The following CSRNP3 variants were observed in gnomAD, a reference collection of about 807,000 sequenced individuals.
CSRNP3 encodes the protein cysteine and serine rich nuclear protein 3, also known as cysteine/serine-rich nuclear protein 3.
In CSRNP3, 12 loss-of-function variants were observed where a neutral mutation model predicts 48.0. The observed-to-expected ratio is 0.25, with a 90% confidence interval of 0.16 to 0.41. The LOEUF (loss-of-function observed/expected upper bound fraction) is 0.41. Ranked by LOEUF, CSRNP3 falls within the 10% of genes least tolerant of loss-of-function variation. The pLI is 1.00. For synonymous variants in CSRNP3, 263 were observed against 269.7 expected, an observed-to-expected ratio of 0.98 and a Z score of 0.24; for missense variants, 580 against 724.4, an observed-to-expected ratio of 0.80 and a Z score of 2.29.
intron 3 of CSRNP3, among the ~76,000 whole-genome samples, chr2:165,590,399 T>A (rs1685697227): frequency 6.6e-6 from 1 of 152,232 alleles, no homozygotes; most frequent in Admixed American, 6.5e-5. Flanking sequence ...GGTAACCATC[T>A]AACTTTCTTT....
intron 4 of CSRNP3, among the ~76,000 whole-genome samples, chr2:165,643,151 G>A (rs1430881251): frequency 6.6e-6 from 1 of 152,090 alleles, no homozygotes; most frequent in Non-Finnish European, 1.5e-5. Flanking sequence ...AATATCTACT[G>A]TATCCCAGAT....
At chr2:165,553,777 G>C (rs536856108) in intron 3 of CSRNP3, among the ~76,000 whole-genome samples, 13 of 152,094 alleles carry the variant, frequency 8.5e-5, no homozygotes, top group Admixed American at 3.3e-4. Flanking sequence ...TTTCTTGGTG[G>C]CTACCCAAAG....
At chr2:165,592,928 A>AC (rs1374448297) in intron 3 of CSRNP3, among the ~76,000 whole-genome samples, 1 of 148,326 alleles carries the variant, frequency 6.7e-6, no homozygotes, top group Non-Finnish European at 1.5e-5. Context: ...CAGCCTCCCA[A>AC]GTAGCTGGGA....
At chr2:165,475,146 G>A (rs1464087) in intron 1 of CSRNP3, among the ~76,000 whole-genome samples, 53,090 of 151,816 alleles carry the variant, frequency 0.35, 9,308 homozygotes, top group East Asian at 0.39. Context: ...TGGTGTCAGC[G>A]TTTTAAAGCA....
chr2:165,659,572 G>T (rs771164722), intron 5 of CSRNP3, among the ~76,000 whole-genome samples: 16 of 152,194 alleles, frequency 1.1e-4, no homozygotes, highest in African/African-American at 3.9e-4. Context: ...ACTTATTTTT[G>T]TGCCACTTTA....
chr2:165,572,620 C>T (rs927023029), intron 3 of CSRNP3: 1 of 152,092 alleles, frequency 6.6e-6, no homozygotes, highest in African/African-American at 2.4e-5. Flanking sequence ...CCAACACTTC[C>T]TTGTGTTTGA....
At position 165,484,760 on chromosome 2, in the gene CSRNP3, A is replaced by T. The variant is rs762310096; in HGVS notation, c.-282-9999A>T. Among the ~76,000 whole-genome samples the T allele has an allele frequency of 6.6e-5, 10 of 152,292 alleles. No homozygotes were observed. The Middle Eastern group carries it at 0.024, about 363-fold the overall frequency. ...AGCATCCTATTCTCTCTCACAATTTAGCTTTCTCTGTATAATCCTGCTTCT... is the reference window on the plus strand; with the variant it reads ...AGCATCCTATTCTCTCTCACAATTTTGCTTTCTCTGTATAATCCTGCTTCT... On this transcript the variant is annotated intron_variant, in intron 1 of 6. Transcript: ENST00000651982.
At chr2:165,564,690 C>G (rs1349705404) in intron 3 of CSRNP3, among the ~76,000 whole-genome samples, 2 of 151,738 alleles carry the variant, frequency 1.3e-5, no homozygotes, top group Non-Finnish European at 2.9e-5. Context: ...TGTAAACATT[C>G]TTATTGTTTT....
intron 3 of CSRNP3, among the ~76,000 whole-genome samples, chr2:165,590,667 A>G (rs529910958): frequency 1.3e-5 from 2 of 152,100 alleles, no homozygotes; most frequent in Admixed American, 1.3e-4. Context: ...GTGAGTTCTC[A>G]TGAGATCTGA....
At chr2:165,506,845 G>A (rs939402968) in intron 2 of CSRNP3, among the ~76,000 whole-genome samples, 1 of 152,134 alleles carries the variant, frequency 6.6e-6, no homozygotes, top group African/African-American at 2.4e-5. Flanking sequence ...ACCAGTGGAT[G>A]AGGTCCTTTG....
chr2:165,520,429 G>A (rs969003598), intron 3 of CSRNP3, among the ~76,000 whole-genome samples: 5 of 152,038 alleles, frequency 3.3e-5, no homozygotes, highest in Non-Finnish European at 5.9e-5. Context: ...AGGTTTAGCC[G>A]ATTTTGTATG....
intron 4 of CSRNP3, among the ~76,000 whole-genome samples, chr2:165,627,716 A>G (rs1331876573): frequency 6.6e-6 from 1 of 152,038 alleles, no homozygotes; most frequent in East Asian, 1.9e-4. Flanking sequence ...TTGTCACATG[A>G]CCTTACTCTC....
intron 3 of CSRNP3, among the ~76,000 whole-genome samples, chr2:165,538,362 C>T (rs1030947799): frequency 6.6e-6 from 1 of 151,916 alleles, no homozygotes; most frequent in Non-Finnish European, 1.5e-5. Context: ...CTGTGGGATT[C>T]TAATTTTCAG....
rs1687529186 is a variant in CSRNP3 at position 165,681,091 on chromosome 2, C to A, written c.*1338C>A. 6.6e-6 allele frequency: 1 copy of A among 152,110 alleles called. No homozygotes were observed. Among genetic ancestry groups the A allele is most frequent in the African/African-American group, 2.4e-5 (1 of 41,406 alleles). 9.4% of individuals were successfully genotyped at this position (152,110 alleles called of 1,614,324 possible). ...CCTCACATTCTCTTATTAAAGAGAA[C>A]AGATAGAAATAAAACATGCACTCCC... On this transcript the variant is annotated 3_prime_UTR_variant, in exon 7 of 7. Coordinates refer to ENST00000651982, the MANE Select transcript of CSRNP3 (RefSeq NM_001172173.2).
chr2:165,481,587 G>A (rs894387302), intron 1 of CSRNP3, among the ~76,000 whole-genome samples: 1 of 152,128 alleles, frequency 6.6e-6, no homozygotes, highest in Non-Finnish European at 1.5e-5. Context: ...AAGTAGAAAC[G>A]GTGTGGTGTG....
intron 3 of CSRNP3, among the ~76,000 whole-genome samples, chr2:165,566,166 G>A (rs944642899): frequency 2.6e-5 from 4 of 151,592 alleles, no homozygotes; most frequent in South Asian, 2.1e-4. Context: ...TCTAAGATGC[G>A]TTTCAAACAT....
chr2:165,599,893 G>C (rs1470153503), intron 4 of CSRNP3, among the ~76,000 whole-genome samples: 1 of 150,030 alleles, frequency 6.7e-6, no homozygotes, highest in Non-Finnish European at 1.5e-5. Flanking sequence ...TATCAAATTT[G>C]TGTAGCATTA....
chr2:165,565,437 C>T (rs1011711042), intron 3 of CSRNP3, among the ~76,000 whole-genome samples: 5 of 152,008 alleles, frequency 3.3e-5, no homozygotes, highest in Non-Finnish European at 5.9e-5. Flanking sequence ...AGTGCCACTA[C>T]CTTCTAATAT....
At chr2:165,569,552 A>AT (rs935427910) in intron 3 of CSRNP3, among the ~76,000 whole-genome samples, 1 of 152,066 alleles carries the variant, frequency 6.6e-6, no homozygotes, top group Non-Finnish European at 1.5e-5. Flanking sequence ...AGTTGACATA[A>AT]TTTTTTTCCA....
Sources: gnomAD v4.1 joint callset for allele counts (sites outside exome capture counted in the v4.1 genomes callset) on GRCh38, gnomAD v4.1.1 for gene constraint, MANE v1.5 for transcripts, NCBI Gene and HGNC (gene_info 2026-07-23, HGNC 2026-07-21) for gene names.